The following GABBR2 variants were observed in gnomAD, a reference collection of about 807,000 sequenced individuals.
GABBR2 encodes the protein gamma-aminobutyric acid type B receptor subunit 2.
A neutral mutation model predicts 105.6 loss-of-function variants in GABBR2; 23 were observed. The ratio of observed to expected loss-of-function variants is 0.22; its 90% CI spans 0.16 to 0.31. The LOEUF (loss-of-function observed/expected upper bound fraction) is 0.31, where lower values mean the gene tolerates loss of function less well. GABBR2 is among the 10% of genes least tolerant of loss of function. The pLI, the probability that GABBR2 is intolerant of heterozygous loss-of-function variation, is 1.00. For missense variants in GABBR2, 734 were observed against 1,245.5 expected (o/e 0.59, Z 6.18); for synonymous variants, 478 against 499.7 (o/e 0.96, Z 0.58).
chr9:98,683,082 A>G (rs1403071810), intron 1 of GABBR2, among the ~76,000 whole-genome samples: 1 of 150,628 alleles, frequency 6.6e-6, no homozygotes, highest in African/African-American at 2.4e-5. Flanking sequence ...AAGTTACTAA[A>G]CCTCTCTCTT....
At chr9:98,466,383 A>G (rs1198326679) in intron 6 of GABBR2, among the ~76,000 whole-genome samples, 1 of 152,208 alleles carries the variant, frequency 6.6e-6, no homozygotes, top group Non-Finnish European at 1.5e-5. Context: ...AATTGCTACA[A>G]ATAGTTTTTT....
chr9:98,609,261 C>T (rs1295744717), intron 1 of GABBR2, among the ~76,000 whole-genome samples: 2 of 152,136 alleles, frequency 1.3e-5, no homozygotes, highest in African/African-American at 2.4e-5. Flanking sequence ...GAATTCTGCC[C>T]CCACTCCCCC....
At chr9:98,329,751 C>T (rs1253383373) in intron 13 of GABBR2, among the ~76,000 whole-genome samples, 1 of 152,114 alleles carries the variant, frequency 6.6e-6, no homozygotes, top group Admixed American at 6.5e-5. Flanking sequence ...CTGAACAGTA[C>T]AACACACCCT....
chr9:98,688,313 C>T (rs1214976308), intron 1 of GABBR2, among the ~76,000 whole-genome samples: 1 of 151,876 alleles, frequency 6.6e-6, no homozygotes, highest in African/African-American at 2.4e-5. Context: ...ATCCTCCTAT[C>T]TCGGCATCAT....
intron 13 of GABBR2, among the ~76,000 whole-genome samples, chr9:98,330,987 T>C (rs923240904): frequency 6.6e-6 from 1 of 152,212 alleles, no homozygotes; most frequent in East Asian, 1.9e-4. Context: ...TTTACACCAA[T>C]AGAATCATAC....
intron 16 of GABBR2, chr9:98,302,952 C>A: frequency 2.4e-6 from 1 of 414,504 alleles, no homozygotes; most frequent in Non-Finnish European, 4.3e-6. Flanking sequence ...CTATGATAAT[C>A]CAGAAGCTCA....
chr9:98,356,759 A>C lies in GABBR2; in HGVS notation c.1893+5956T>G, dbSNP rs568573466. ...TAATTGCCAAAACTTGGAAGCAACT[A>C]AGATGCCCTTCGGTGGGTGAATGAA... On this transcript the variant is annotated intron_variant, in intron 13 of 18. Transcript: ENST00000259455. 7.2e-5 allele frequency among the ~76,000 whole-genome samples: 11 copies of C among 152,348 alleles called. No individual in the cohort carries two copies. The South Asian group carries it at 2.3e-3, about 32-fold the overall frequency.
intron 7 of GABBR2, among the ~76,000 whole-genome samples, chr9:98,433,872 T>C (rs1588158624): frequency 6.6e-6 from 1 of 152,042 alleles, no homozygotes; most frequent in African/African-American, 2.4e-5. Flanking sequence ...AGTGGCTAGG[T>C]GGAAGACAGA....
At chr9:98,372,650 C>T (rs1446453416) in intron 11 of GABBR2, among the ~76,000 whole-genome samples, 2 of 152,196 alleles carry the variant, frequency 1.3e-5, no homozygotes, top group African/African-American at 4.8e-5. Flanking sequence ...TCCCCAGGCC[C>T]CTTCTAGTTC....
intron 3 of GABBR2, among the ~76,000 whole-genome samples, chr9:98,510,875 G>A (rs1827626022): frequency 2.0e-5 from 3 of 151,920 alleles, no homozygotes; most frequent in Admixed American, 2.0e-4. Flanking sequence ...GGATACCCAG[G>A]ACTTGAACTC....
intron 1 of GABBR2, among the ~76,000 whole-genome samples, chr9:98,661,983 C>T (rs1032347043): frequency 1.3e-5 from 2 of 152,188 alleles, no homozygotes; most frequent in South Asian, 4.1e-4. Context: ...CGCAGCTCAA[C>T]TTCTCCCACT....
At chr9:98,428,029 A>G (rs1163111690) in intron 7 of GABBR2, among the ~76,000 whole-genome samples, 4 of 152,188 alleles carry the variant, frequency 2.6e-5, no homozygotes, top group African/African-American at 9.6e-5. Context: ...CACAGAAACT[A>G]TGTGAGATAA....
At chr9:98,425,541 G>T (rs1825666628) in intron 7 of GABBR2, among the ~76,000 whole-genome samples, 1 of 152,196 alleles carries the variant, frequency 6.6e-6, no homozygotes, top group African/African-American at 2.4e-5. Context: ...GAGCAAACAG[G>T]CATTCCATGG....
chr9:98,458,546 A>G (rs1014669976), intron 6 of GABBR2, among the ~76,000 whole-genome samples: 2 of 152,174 alleles, frequency 1.3e-5, no homozygotes, highest in Admixed American at 6.5e-5. Flanking sequence ...TCTACTAAAA[A>G]TACAAAAAGT....
chr9:98,473,851 T>G (rs1826737149), intron 5 of GABBR2, among the ~76,000 whole-genome samples: 2 of 152,206 alleles, frequency 1.3e-5, no homozygotes, highest in African/African-American at 4.8e-5. Flanking sequence ...TCAACACAAC[T>G]TCTACAACAA....
chr9:98,393,102 C>CCATCCACT (rs1205687397), intron 9 of GABBR2, among the ~76,000 whole-genome samples: 2 of 150,408 alleles, frequency 1.3e-5, no homozygotes, highest in African/African-American at 4.9e-5. Flanking sequence ...AACCATCCAT[C>CCATCCACT]CATCCACTCA....
At chr9:98,497,507 G>C (rs1450401155) in intron 3 of GABBR2, among the ~76,000 whole-genome samples, 1 of 152,156 alleles carries the variant, frequency 6.6e-6, no homozygotes, top group Non-Finnish European at 1.5e-5. Context: ...TGCACCCTCT[G>C]ACATATAGCA....
intron 12 of GABBR2, among the ~76,000 whole-genome samples, chr9:98,367,181 T>C (rs1444567618): frequency 1.9e-5 from 2 of 106,068 alleles, no homozygotes; most frequent in Non-Finnish European, 3.5e-5. Flanking sequence ...GGGCAAGCCA[T>C]CATGGATGAG....
chr9:98,592,693 G>A (rs1829163616), intron 1 of GABBR2, among the ~76,000 whole-genome samples: 2 of 152,192 alleles, frequency 1.3e-5, no homozygotes, highest in African/African-American at 4.8e-5. Context: ...TTGTAGAAAT[G>A]ATTATTTCAC....
Sources: gnomAD v4.1 joint callset for allele counts (sites outside exome capture counted in the v4.1 genomes callset) on GRCh38, gnomAD v4.1.1 for gene constraint, MANE v1.5 for transcripts, NCBI Gene and HGNC (gene_info 2026-07-23, HGNC 2026-07-21) for gene names.